Variants in HEATR1 observed in about 807,000 individuals in gnomAD.
HEATR1 encodes HEAT repeat-containing protein 1.
Under a neutral mutation model 248.2 loss-of-function variants are expected in HEATR1, and 77 were observed. The observed-to-expected ratio is 0.31, with a 90% CI of 0.26 to 0.37. The LOEUF is 0.37. Among genes scored for constraint, HEATR1 ranks in the 10% least tolerant of loss-of-function variants. HEATR1 has a pLI of 1.00. For synonymous variants in HEATR1, 897 were observed against 923.1 expected (o/e 0.97, Z 0.51); for missense variants, 2,420 against 2,504.9 (o/e 0.97, Z 0.72).
At chr1:236,572,674 A>G in intron 25 of HEATR1, 51 bp downstream of exon 25, 1 of 1,598,864 alleles carries the variant, frequency 6.3e-7, no homozygotes, top group South Asian at 1.1e-5. Context: ...GTTTCATAAC[A>G]TTCAGAGTCA....
At chr1:236,574,024 G>C in intron 24 of HEATR1, 178 bp downstream of exon 24, 1 of 445,448 alleles carries the variant, frequency 2.2e-6, no homozygotes, top group Non-Finnish European at 3.9e-6. Context: ...ATAAAATAAT[G>C]GTAAAGATTT....
Position 236,561,710 on chromosome 1 carries a change from A to G in HEATR1, c.4600-439T>C, listed in dbSNP as rs1181328378. On this transcript the variant is annotated intron_variant, in intron 32 of 44. Transcript: ENST00000366582. ...CCAAATCTGCTTCCAAATGTTTCAA[A>G]CACTACATATCACGGAACAACATGT... Among the ~76,000 whole-genome samples, 7 of 152,326 alleles carry G rather than the reference A, an allele frequency of 4.6e-5. No individual in the cohort carries two copies. The Middle Eastern group carries it at 0.02, about 444-fold the overall frequency.
At chr1:236,558,186 C>G (rs748691693) in intron 36 of HEATR1, 51 bp downstream of exon 36, 1 of 1,515,274 alleles carries the variant, frequency 6.6e-7, no homozygotes, top group Non-Finnish European at 8.9e-7. Context: ...TGTTATTTTT[C>G]AATGTGTGCC....
intron 42 of HEATR1, 21 bp from the exon 43 acceptor site, chr1:236,553,760 A>T: frequency 6.3e-7 from 1 of 1,585,580 alleles, no homozygotes; most frequent in South Asian, 1.2e-5. Flanking sequence ...TAAGACAAAG[A>T]CTTTGAACAA....
rs2794751 is a variant in HEATR1, at chr1:236,595,587, T to C, written c.1043A>G (p.His348Arg). Residue 348 changes from histidine (H) to arginine (R), a missense_variant, in exon 8 of 45, where the codon CAT becomes CGT. His to Arg is a conservative substitution (Grantham distance 29). Transcript: ENST00000366582. ...SETYDVSPLL[H>R]YMLPHLVVSI... is the part of the protein sequence containing the mutation. ...GACGACCAGATGGGGAAGCATGTAA[T>C]GCAGAAGAGGACTGACATCGTAAGT... 1,113,407 of 1,609,286 alleles carry C rather than the reference T, an allele frequency of 0.69. 391,504 individuals carry two copies. The highest frequency in any genetic ancestry group is 0.72 in the Non-Finnish European group (850,268 of 1,176,052).
At chr1:236,556,770 C>G (rs1309651519) in intron 37 of HEATR1, among the ~76,000 whole-genome samples, 1 of 152,172 alleles carries the variant, frequency 6.6e-6, no homozygotes, top group Admixed American at 6.5e-5. Context: ...CCACTGGCCC[C>G]TAGCGTGTTG....
chr1:236,580,824 A>T (rs1420068192), intron 20 of HEATR1, among the ~76,000 whole-genome samples: 22 of 126,642 alleles, frequency 1.7e-4, no homozygotes, highest in Middle Eastern at 4.6e-3. Context: ...GCCTTTATCG[A>T]TTTTTTTTTT....
At position 236,553,694 on chromosome 1, in the gene HEATR1, T is replaced by C. The variant is rs370884856; in HGVS notation, c.6124A>G (p.Thr2042Ala). 2.2e-4 allele frequency: 351 copies of C among 1,613,678 alleles called. 3 individuals are homozygous for C. In the South Asian group the frequency reaches 3.6e-3, roughly 16 times the overall value. The change falls in exon 43 of 45, where the codon ACA becomes GCA. Residue 2042 changes from threonine (T) to alanine (A), a missense_variant. By Grantham distance (58) the Thr-to-Ala change is moderately conservative. Transcript: ENST00000366582. ...GGEEKFQERV[T>A]KHLIPCIAQF... The stretch of plus-strand genomic sequence containing the variant: ...GCGATGCATGGTATCAGGTGCTTTG[T>C]CACCCGTTCCTGGAATTTCTCTTCT...
In HEATR1 at chr1:236,554,697, C is replaced by T. The variant is rs1558176246; in HGVS notation, c.5979G>A (p.Gln1993=). 6.2e-7 allele frequency: 1 copy of T among 1,613,420 alleles called. No homozygotes were observed. The highest frequency in any genetic ancestry group is 8.5e-7 in the Non-Finnish European group (1 of 1,179,790). ...NDPEKCCLLL[Q]FILNCLYKIF... ...TTTTGTATAAACAGTTCAAAATAAACTGCAACAGCAAGCAGCACTTTTCAG... is the reference window on the plus strand; with the variant it reads ...TTTTGTATAAACAGTTCAAAATAAATTGCAACAGCAAGCAGCACTTTTCAG... Residue 1993 remains glutamine (Q), a synonymous_variant, in exon 42 of 45, where the codon CAG becomes CAA. Coordinates refer to ENST00000366582, the MANE Select transcript of HEATR1 (RefSeq NM_018072.6).
chr1:236,601,618 C>A (rs550951213), intron 3 of HEATR1, among the ~76,000 whole-genome samples: 5 of 151,470 alleles, frequency 3.3e-5, no homozygotes, highest in Non-Finnish European at 4.4e-5. Flanking sequence ...CCAGCCTGGG[C>A]AACAAAGTGA....
intron 44 of HEATR1, 47 bp downstream of exon 44, chr1:236,551,952 G>C: frequency 1.6e-6 from 2 of 1,264,132 alleles, no homozygotes; most frequent in African/African-American, 1.5e-5. Context: ...GAATTTTACT[G>C]AATTATTCCT....
Position 236,551,010 on chromosome 1 carries a change from A to G in HEATR1, c.6347-20T>C. ...ATTCATCTAAAAAAAAAAAAAAAAA[A>G]TCAAAATTAAAATCTGAGTCAGTCC... On this transcript the variant is annotated intron_variant, in intron 44 of 44. Coordinates refer to ENST00000366582, the MANE Select transcript of HEATR1 (RefSeq NM_018072.6). 1 of 1,514,174 alleles carries G rather than the reference A, an allele frequency of 6.6e-7. No individual in the cohort carries two copies. Among genetic ancestry groups the G allele is most frequent in the Non-Finnish European group, 9.0e-7 (1 of 1,114,608 alleles). The allele number at this position is 1,514,174 out of a possible 1,614,324, so 93.8% of individuals were successfully genotyped here. A position where few individuals can be genotyped will look rare whatever the true frequency, so the allele number is the denominator to read the frequency against.
At chr1:236,576,709 C>T (rs1478491905) in intron 21 of HEATR1, 71 bp downstream of exon 21, 3 of 1,396,318 alleles carry the variant, frequency 2.1e-6, no homozygotes, top group Non-Finnish European at 2.9e-6. Context: ...AGTGAAATGT[C>T]GAGAATGGAG....
Position 236,585,824 on chromosome 1 carries a change from T to G in HEATR1, c.2045A>C (p.Lys682Thr). 1 of 1,612,496 alleles carries G rather than the reference T, an allele frequency of 6.2e-7. No individual in the cohort carries two copies. The highest frequency in any genetic ancestry group is 1.1e-5 in the South Asian group (1 of 90,942). The change falls in exon 16 of 45, where the codon AAG becomes ACG. Residue 682 changes from lysine (K) to threonine (T), a missense_variant. By Grantham distance (78) the Lys-to-Thr change is moderately conservative. Transcript: ENST00000366582. ...GGACTTTCAAAGCATACTTACCATC[T>G]TTAACATTGAAGAAGGATCTCCTAA... is the stretch of plus-strand genomic sequence containing the variant. The part of the protein sequence containing the change: ...INLGDPSSML[K>T]MVEDLISVGE...
chr1:236,568,436 T>C (rs756428577), intron 29 of HEATR1, among the ~76,000 whole-genome samples: 25 of 152,184 alleles, frequency 1.6e-4, no homozygotes, highest in Non-Finnish European at 2.1e-4. Flanking sequence ...GAAGGGTACA[T>C]AGACAACTCA....
Position 236,558,416 on chromosome 1 carries a change from CTTT to C in HEATR1, c.5022_5024del (p.Lys1675del). 6.2e-7 allele frequency: 1 copy of C among 1,614,190 alleles called. No homozygotes were observed. The highest frequency in any genetic ancestry group is 8.5e-7 in the Non-Finnish European group (1 of 1,180,016). On this transcript the variant is annotated inframe_deletion, in exon 36 of 45. Transcript: ENST00000366582. ...CTGCACCAAAATTCTTGCATAAAAG[CTTT>C]AAGGTATACAACGCTGTCTGTCTGT...
chr1:236,573,028 G>A (rs1663470470), intron 24 of HEATR1, among the ~76,000 whole-genome samples, 200 bp from the exon 25 acceptor site: 7 of 152,144 alleles, frequency 4.6e-5, no homozygotes, highest in Admixed American at 4.6e-4. Context: ...AGAAAGCAAA[G>A]TAGGGAAGAG....
intron 7 of HEATR1, 75 bp from the exon 8 acceptor site, chr1:236,595,748 A>G: frequency 2.0e-6 from 3 of 1,512,994 alleles, no homozygotes; most frequent in South Asian, 1.2e-5. Context: ...GAAAATATAT[A>G]ATCACTTATC....
chr1:236,563,140 G>A (rs1197568681), intron 32 of HEATR1, among the ~76,000 whole-genome samples: 2 of 152,072 alleles, frequency 1.3e-5, no homozygotes, highest in Non-Finnish European at 2.9e-5. Context: ...GGAGATTCTT[G>A]TCCCTGACTG....
Sources: gnomAD v4.1 joint callset for allele counts (sites outside exome capture counted in the v4.1 genomes callset) on GRCh38, gnomAD v4.1.1 for gene constraint, MANE v1.5 for transcripts, NCBI Gene and HGNC (gene_info 2026-07-23, HGNC 2026-07-21) for gene names.